The following DNHD1 variants were observed in gnomAD, a reference collection of about 807,000 sequenced individuals.
DNHD1 encodes the protein dynein heavy chain domain 1, also known as dynein heavy chain domain-containing protein 1.
Under a neutral mutation model 458.1 loss-of-function variants are expected in DNHD1, and 383 were observed. The ratio of observed to expected loss-of-function variants is 0.84; its 90% CI spans 0.77 to 0.91. The LOEUF is 0.91. Ranked by LOEUF, DNHD1 falls within the 40% of genes least tolerant of loss-of-function variation. The pLI, the probability that DNHD1 is intolerant of heterozygous loss-of-function variation, is 0.00. For synonymous variants in DNHD1, 2,203 were observed against 2,376.9 expected (o/e 0.93, Z 2.13); for missense variants, 5,336 against 5,866.1 (o/e 0.91, Z 2.95).
chr11:6,531,568 CA>C (rs1564810844), intron 12 of DNHD1, among the ~76,000 whole-genome samples: 1 of 152,164 alleles, frequency 6.6e-6, no homozygotes, highest in Non-Finnish European at 1.5e-5. Context: ...GGCAGCATTG[CA>C]ATGGCCTAGT....
Position 6,533,815 on chromosome 11 carries a change from G to C in DNHD1, c.2640G>C (p.Arg880Ser), listed in dbSNP as rs769160846. The C allele has an allele frequency of 1.2e-4, 192 of 1,551,000 alleles. No homozygotes were observed. Among genetic ancestry groups the C allele is most frequent in the Non-Finnish European group, 1.6e-4 (189 of 1,146,838 alleles). ...ENEALDISVR[R>S]QFGESPIPPC... is the part of the protein sequence containing the mutation. ...AAGCACTGGACATCTCGGTGAGAAG[G>C]CAATTCGGGGAGTCACCCATCCCTC... The change falls in exon 14 of 43, where the codon AGG becomes AGC. Residue 880 changes from arginine (R) to serine (S), a missense_variant. This residue lies in a region of DNHD1 where 3,932 missense variants were observed against 4,365.6 expected (regional missense o/e 0.90). Coordinates refer to ENST00000254579, the MANE Select transcript of DNHD1 (RefSeq NM_144666.3).
chr11:6,502,146 C>G (rs1852149266), intron 3 of DNHD1, among the ~76,000 whole-genome samples: 1 of 151,994 alleles, frequency 6.6e-6, no homozygotes, highest in African/African-American at 2.4e-5. Context: ...TTTTGTTGAC[C>G]AGAATGCAGA....
At chr11:6,542,957 G>A (rs2134424515) in intron 18 of DNHD1, among the ~76,000 whole-genome samples, 1 of 152,334 alleles carries the variant, frequency 6.6e-6, no homozygotes, top group East Asian at 1.9e-4. Context: ...TGAGGTCTGT[G>A]TGGATATGCA....
intron 7 of DNHD1, among the ~76,000 whole-genome samples, chr11:6,516,248 A>G (rs1210698424): frequency 6.6e-6 from 1 of 150,780 alleles, no homozygotes; most frequent in South Asian, 2.1e-4. Flanking sequence ...TCATTTTAAA[A>G]TACATGTTTT....
At chr11:6,523,999 A>AT (rs1331376962) in intron 10 of DNHD1, among the ~76,000 whole-genome samples, 1 of 152,070 alleles carries the variant, frequency 6.6e-6, no homozygotes, top group Non-Finnish European at 1.5e-5. Context: ...TTTAAAAAAA[A>AT]TTTTCTCATT....
chr11:6,520,240 AG>A lies in DNHD1; in HGVS notation c.1789del (p.Val597CysfsTer6), dbSNP rs757125046. 6.4e-7 allele frequency: 1 copy of A among 1,555,720 alleles called. No homozygotes were observed. The highest frequency in any genetic ancestry group is 1.2e-5 in the South Asian group (1 of 84,896). On this transcript the variant is annotated frameshift_variant, in exon 10 of 43. Transcript: ENST00000254579. LOFTEE classifies it high-confidence loss of function. ...CTTCTCCATATCCTGGCATGAAGGT[AG>A]TGCAGTCTGCAGACCTGAAGACCTC... ...QSVKTSALQV[V>X]QSADLKTSSD...
intron 28 of DNHD1, among the ~76,000 whole-genome samples, chr11:6,560,175 G>C (rs906137546): frequency 1.3e-5 from 2 of 152,070 alleles, no homozygotes; most frequent in Non-Finnish European, 2.9e-5. Context: ...TAAATATTCT[G>C]GTATAACTTC....
At chr11:6,568,388 C>G in intron 37 of DNHD1, 66 bp from the exon 38 acceptor site, 1 of 1,600,016 alleles carries the variant, frequency 6.2e-7, no homozygotes, top group Non-Finnish European at 8.5e-7. Flanking sequence ...AGCCTCAAGT[C>G]TGATTCCTAG....
Position 6,545,114 on chromosome 11 carries a change from A to T in DNHD1, c.4175A>T (p.His1392Leu), listed in dbSNP as rs115918642. 3.9e-6 allele frequency: 6 copies of T among 1,552,152 alleles called. No homozygotes were observed. Among genetic ancestry groups the T allele is most frequent in the South Asian group, 3.6e-5 (3 of 84,062 alleles). ...GTACGACGCTGCTTTCCTCATGTGC[A>T]TGCTGTGAGCTTCAGGTCTTGCCCA... The part of the protein sequence containing the change: ...LWVRRCFPHV[H>L]AVSFRSCPTG... Residue 1392 changes from histidine to leucine, a missense_variant, in exon 21 of 43, where the codon CAT (histidine) becomes CTT (leucine). This residue lies in a region of DNHD1 where 3,932 missense variants were observed against 4,365.6 expected (regional missense o/e 0.90). Coordinates refer to ENST00000254579, the MANE Select transcript of DNHD1 (RefSeq NM_144666.3). The surrounding 1 kb of genome is among the most constrained non-coding windows in gnomAD (Gnocchi z 4.9).
rs770532037 is a variant in DNHD1 at position 6,520,263 on chromosome 11, C to T, written c.1811C>T (p.Thr604Ile). The change falls in exon 10 of 43, where the codon ACC (threonine) becomes ATC (isoleucine). Residue 604 changes from threonine (T) to isoleucine (I), a missense_variant. This residue lies in a region of DNHD1 where 3,932 missense variants were observed against 4,365.6 expected (regional missense o/e 0.90). Transcript: ENST00000254579. ...LQVVQSADLKTSSDSLYSEEE... is the reference protein window; with the variant it reads ...LQVVQSADLKISSDSLYSEEE... ...GTAGTGCAGTCTGCAGACCTGAAGA[C>T]CTCCTCGGATTCCCTGTATTCTGAA... The T allele has an allele frequency of 3.8e-5, 59 of 1,552,408 alleles. 1 individual carries two copies. In the South Asian group the frequency reaches 6.9e-4, roughly 18 times the overall value.
Position 6,546,489 on chromosome 11 carries a change from G to A in DNHD1, c.5550G>A (p.Gln1850=). 6.4e-7 allele frequency: 1 copy of A among 1,550,710 alleles called. No homozygotes were observed. Among genetic ancestry groups the A allele is most frequent in the Non-Finnish European group, 8.7e-7 (1 of 1,147,006 alleles). ...LLGAGMRDAF[Q]MATRLSKFFS... ...GTGCAGGGATGAGGGATGCCTTCCA[G>A]ATGGCTACCCGCCTATCCAAATTCT... Residue 1850 remains glutamine, a synonymous_variant, in exon 21 of 43, where the codon CAG becomes CAA. Transcript: ENST00000254579.
In DNHD1 at chr11:6,566,033, G is replaced by A. The variant is rs763429663; in HGVS notation, c.11053+42G>A. ...ACCCACCCTGGCCCCTTTTTGACTTGCCCCATTCTGTGACCCCACAGGCCT... is the reference window on the plus strand; with the variant it reads ...ACCCACCCTGGCCCCTTTTTGACTTACCCCATTCTGTGACCCCACAGGCCT... On this transcript the variant is annotated intron_variant, in intron 33 of 42. Transcript: ENST00000254579. 168 of 1,036,764 alleles carry A rather than the reference G, an allele frequency of 1.6e-4. 2 individuals are homozygous for A. The highest frequency in any genetic ancestry group is 1.1e-3 in the South Asian group (81 of 74,470). 64.2% of individuals were successfully genotyped at this position (1,036,764 alleles called of 1,614,324 possible).
intron 32 of DNHD1, 58 bp from the exon 33 acceptor site, chr11:6,565,637 C>A: frequency 6.8e-7 from 1 of 1,463,612 alleles, no homozygotes; most frequent in Non-Finnish European, 9.1e-7. Context: ...GTGAATTCCT[C>A]CCCTAAGGAG....
chr11:6,497,922 C>T lies in DNHD1; in HGVS notation c.-294C>T, dbSNP rs1852060248. ...CTCTCACGTCTGTCTTAGGCCTGCT[C>T]CTTACCAGAGTCTTTGGGGAAGCAG... On this transcript the variant is annotated 5_prime_UTR_variant, in exon 3 of 43. Transcript: ENST00000254579. 1 of 462,862 alleles carries T rather than the reference C, an allele frequency of 2.2e-6. No individual in the cohort carries two copies. Among genetic ancestry groups the T allele is most frequent in the Non-Finnish European group, 3.9e-6 (1 of 253,714 alleles). The allele number at this position is 462,862 out of a possible 1,614,324, so 28.7% of individuals were successfully genotyped here.
intron 24 of DNHD1, among the ~76,000 whole-genome samples, chr11:6,551,329 G>T (rs1253297731): frequency 1.3e-5 from 2 of 152,098 alleles, no homozygotes; most frequent in Non-Finnish European, 2.9e-5. Context: ...TGCAACTAAA[G>T]GTTATAGCTT....
intron 4 of DNHD1, among the ~76,000 whole-genome samples, chr11:6,507,079 C>G (rs1380114395): frequency 6.6e-6 from 1 of 152,152 alleles, no homozygotes; most frequent in Non-Finnish European, 1.5e-5. Flanking sequence ...ACTGATTTCC[C>G]CCATCTACTC....
At chr11:6,531,202 T>C (rs905887854) in intron 12 of DNHD1, among the ~76,000 whole-genome samples, 3 of 152,246 alleles carry the variant, frequency 2.0e-5, no homozygotes, top group Non-Finnish European at 2.9e-5. Flanking sequence ...GACTTAACTC[T>C]GTCGTTTCTC....
rs1215201068 is a variant in DNHD1 at position 6,547,418 on chromosome 11, T to C, written c.6479T>C (p.Leu2160Pro). The C allele has an allele frequency of 2.6e-6, 4 of 1,551,646 alleles. No homozygotes were observed. The highest frequency in any genetic ancestry group is 2.6e-6 in the Non-Finnish European group (3 of 1,146,998). Reference sequence around the variant, plus strand: ...ACTTGGCAGTGTATACTTAGTGCCCTGATGGCATCCCTTCCTTATGAGTAC... The same window carrying C: ...ACTTGGCAGTGTATACTTAGTGCCCCGATGGCATCCCTTCCTTATGAGTAC... ...EQTWQCILSA[L>P]MASLPYEYRL... Residue 2160 changes from leucine to proline, a missense_variant, in exon 21 of 43, where the codon CTG (leucine) becomes CCG (proline). Leu to Pro is a moderately conservative substitution (Grantham distance 98). Coordinates refer to ENST00000254579, the MANE Select transcript of DNHD1 (RefSeq NM_144666.3).
chr11:6,502,794 A>G lies in DNHD1; in HGVS notation c.788A>G (p.Gln263Arg), dbSNP rs1465479169. 1 of 1,609,370 alleles carries G rather than the reference A, an allele frequency of 6.2e-7. No individual in the cohort carries two copies. The highest frequency in any genetic ancestry group is 8.5e-7 in the Non-Finnish European group (1 of 1,178,140). Reference sequence around the variant, plus strand: ...GAAGTTCCCAGGGAAAAGGCCTTCCAAAAGAGCAGCACCGGCTTTTCACCT... The same window carrying G: ...GAAGTTCCCAGGGAAAAGGCCTTCCGAAAGAGCAGCACCGGCTTTTCACCT... Reference protein sequence around the residue: ...DYEVPREKAFQKSSTGFSPET... With the variant: ...DYEVPREKAFRKSSTGFSPET... The change falls in exon 4 of 43, where the codon CAA becomes CGA. Residue 263 changes from glutamine (Q) to arginine (R), a missense_variant. Around this residue, in one of 4 missense-constraint regions of DNHD1, gnomAD observed 3,932 missense variants for 4,365.6 expected, o/e 0.90. Coordinates refer to ENST00000254579, the MANE Select transcript of DNHD1 (RefSeq NM_144666.3).
Sources: gnomAD v4.1 joint callset for allele counts (sites outside exome capture counted in the v4.1 genomes callset) on GRCh38, gnomAD v4.1.1 for gene constraint, gnomAD v4.1.1 regional missense constraint, Gnocchi (gnomAD v3.1) non-coding constraint, MANE v1.5 for transcripts, NCBI Gene and HGNC (gene_info 2026-07-23, HGNC 2026-07-21) for gene names.